Variants in SACM1L observed in about 807,000 individuals in gnomAD.
SACM1L encodes the protein phosphatidylinositol-3-phosphatase SAC1.
SACM1L carries 32 observed loss-of-function variants against 89.5 expected under a neutral mutation model. The observed-to-expected ratio is 0.36, with a 90% confidence interval of 0.27 to 0.48. The LOEUF (loss-of-function observed/expected upper bound fraction) is 0.48. Among genes scored for constraint, SACM1L ranks in the 20% least tolerant of loss-of-function variants. The pLI is 0.99. For missense variants in SACM1L, 543 were observed against 708.5 expected (o/e 0.77, Z 2.65); for synonymous variants, 213 against 232.8 (o/e 0.92, Z 0.77).
At chr3:45,732,905 A>G (rs1699108371) in intron 13 of SACM1L, among the ~76,000 whole-genome samples, 1 of 152,268 alleles carries the variant, frequency 6.6e-6, no homozygotes, top group African/African-American at 2.4e-5. Context: ...ACACAATAAT[A>G]TAGTAAAACC....
At chr3:45,739,017 A>C (rs1473156185) in intron 18 of SACM1L, 144 bp downstream of exon 18, 1 of 591,798 alleles carries the variant, frequency 1.7e-6, no homozygotes, top group African/African-American at 1.9e-5. Flanking sequence ...CAAAGAGGTC[A>C]GGCTGAGGAG....
intron 1 of SACM1L, among the ~76,000 whole-genome samples, chr3:45,691,501 G>C (rs1188701472): frequency 1.3e-5 from 2 of 152,172 alleles, no homozygotes; most frequent in African/African-American, 4.8e-5. Context: ...AATGTGTCTG[G>C]AGATGTGTTT....
intron 19 of SACM1L, 47 bp downstream of exon 19, chr3:45,739,691 T>C (rs1213300343): frequency 6.4e-7 from 1 of 1,566,890 alleles, no homozygotes; most frequent in African/African-American, 1.4e-5. Context: ...TGTTGACCTT[T>C]CTTTTACAAC....
At chr3:45,704,988 G>C (rs1223020565) in intron 2 of SACM1L, 147 bp from the exon 3 acceptor site, 1 of 566,302 alleles carries the variant, frequency 1.8e-6, no homozygotes, top group African/African-American at 1.9e-5. Context: ...TCTATCAATA[G>C]TGCATTTAAG....
chr3:45,728,700 T>A (rs1330880830), intron 11 of SACM1L, among the ~76,000 whole-genome samples: 1 of 152,176 alleles, frequency 6.6e-6, no homozygotes, highest in Non-Finnish European at 1.5e-5. Flanking sequence ...AGAGAAAAGG[T>A]CTTACTCTGT....
At chr3:45,725,047 C>G (rs935524246) in intron 11 of SACM1L, among the ~76,000 whole-genome samples, 1 of 152,206 alleles carries the variant, frequency 6.6e-6, no homozygotes, top group African/African-American at 2.4e-5. Context: ...GTCTCCGTGT[C>G]TGTCCTTATG....
At chr3:45,721,372 C>T (rs1051347390) in intron 8 of SACM1L, among the ~76,000 whole-genome samples, 2 of 152,086 alleles carry the variant, frequency 1.3e-5, no homozygotes, top group African/African-American at 4.8e-5. Context: ...AAATACAAAA[C>T]TTAGCTGGGC....
chr3:45,692,909 A>G (rs1575380160), intron 1 of SACM1L, among the ~76,000 whole-genome samples: 1 of 152,218 alleles, frequency 6.6e-6, no homozygotes, highest in East Asian at 1.9e-4. Flanking sequence ...CATTATGTAC[A>G]CCGTTATGTG....
At position 45,732,079 on chromosome 3, in the gene SACM1L, A is replaced by C. The variant is rs1699085735; in HGVS notation, c.1028A>C (p.Glu343Ala). Residue 343 changes from glutamate (E) to alanine (A), a missense_variant, in exon 13 of 20, where the codon GAA (glutamate) becomes GCA (alanine). Around this residue, in one of 2 missense-constraint regions of SACM1L, gnomAD observed 370 missense variants for 527.6 expected, o/e 0.70. Transcript: ENST00000389061. ...TACATTGCCTTTGACTTCCATAAGG[A>C]ATGTAAAAATATGAGATGGGATCGA... ...MRYIAFDFHK[E>A]CKNMRWDRLS... 1 of 1,600,124 alleles carries C rather than the reference A, an allele frequency of 6.2e-7. No individual in the cohort carries two copies. The highest frequency in any genetic ancestry group is 8.5e-7 in the Non-Finnish European group (1 of 1,175,016).
intron 2 of SACM1L, among the ~76,000 whole-genome samples, 161 bp downstream of exon 2, chr3:45,703,696 A>G (rs1698326435): frequency 6.6e-6 from 1 of 152,118 alleles, no homozygotes; most frequent in African/African-American, 2.4e-5. Context: ...TGGTGCATCA[A>G]TTTTATGCTA....
chr3:45,707,072 T>C (rs994348567), intron 4 of SACM1L, 165 bp downstream of exon 4: 2 of 534,908 alleles, frequency 3.7e-6, no homozygotes, highest in Non-Finnish European at 6.1e-6. Context: ...AAAAAATATT[T>C]TTTAAATCAT....
At chr3:45,713,002 G>T (rs751771295) in intron 5 of SACM1L, 135 bp from the exon 6 acceptor site, 13 of 619,476 alleles carry the variant, frequency 2.1e-5, no homozygotes, top group Non-Finnish European at 3.3e-5. Flanking sequence ...TTGCGGGGGA[G>T]ATGTATTTTG....
chr3:45,723,760 G>A (rs1322529625), intron 11 of SACM1L, among the ~76,000 whole-genome samples: 3 of 151,838 alleles, frequency 2.0e-5, no homozygotes, highest in Admixed American at 6.6e-5. Context: ...CCTCCCCACA[G>A]CCCCTGGTAA....
chr3:45,719,350 G>A, intron 7 of SACM1L, 150 bp from the exon 8 acceptor site: 1 of 478,228 alleles, frequency 2.1e-6, no homozygotes, highest in South Asian at 2.9e-5. Flanking sequence ...GTTGATTATA[G>A]TACTAAGGGC....
chr3:45,697,067 G>C (rs1164111646), intron 1 of SACM1L, among the ~76,000 whole-genome samples: 2 of 151,874 alleles, frequency 1.3e-5, no homozygotes, highest in African/African-American at 4.8e-5. Context: ...TTAAAAGTAA[G>C]GTCTCAAAGA....
chr3:45,697,948 G>A (rs979613628), intron 1 of SACM1L, among the ~76,000 whole-genome samples: 2 of 152,212 alleles, frequency 1.3e-5, no homozygotes, highest in East Asian at 1.9e-4. Flanking sequence ...CTTGTCTTCC[G>A]AAATCCATTT....
In SACM1L at chr3:45,690,263, T is replaced by G. The variant is rs574034331; in HGVS notation, c.32+766T>G. The G allele has an allele frequency of 2.0e-5, 3 of 152,392 alleles. No homozygotes were observed. The South Asian group carries it at 6.2e-4, about 32-fold the overall frequency. The allele number at this position is 152,392 out of a possible 1,614,324, so 9.4% of individuals were successfully genotyped here. A position where few individuals can be genotyped will look rare whatever the true frequency, so the allele number is the denominator to read the frequency against. ...TAAAAACAACATGTGTTTATTTCCCTTAGTGTTACCCATTAGCATCCACAC... is the reference window on the plus strand; with the variant it reads ...TAAAAACAACATGTGTTTATTTCCCGTAGTGTTACCCATTAGCATCCACAC... On this transcript the variant is annotated intron_variant, in intron 1 of 19. Transcript: ENST00000389061.
chr3:45,737,896 T>G (rs770119155), intron 16 of SACM1L, 52 bp downstream of exon 16: 7 of 1,478,208 alleles, frequency 4.7e-6, no homozygotes, highest in Non-Finnish European at 6.6e-6. Context: ...ACAGTCCTGG[T>G]GCTTTTAAAA....
At chr3:45,732,825 A>G (rs1699104860) in intron 13 of SACM1L, among the ~76,000 whole-genome samples, 1 of 152,228 alleles carries the variant, frequency 6.6e-6, no homozygotes, top group African/African-American at 2.4e-5. Context: ...TGTAAATCGT[A>G]CTACCATTTT....
Sources: allele counts gnomAD v4.1 joint callset (sites outside exome capture counted in the v4.1 genomes callset), GRCh38; gene constraint gnomAD v4.1.1; regional missense constraint gnomAD v4.1.1; transcripts MANE v1.5; gene names NCBI Gene and HGNC (gene_info 2026-07-23, HGNC 2026-07-21).